Variants in MIER1 observed in about 807,000 individuals in gnomAD.
The protein encoded by MIER1 is MIER1 transcriptional regulator.
MIER1 carries 40 observed loss-of-function variants against 75.7 expected under a neutral mutation model. The observed-to-expected ratio is 0.53, with a 90% CI of 0.41 to 0.69. MIER1 has a LOEUF of 0.69. Among genes scored for constraint, MIER1 ranks in the 30% least tolerant of loss-of-function variants. The pLI is 0.00. For missense variants in MIER1, 574 were observed against 680.2 expected (o/e 0.84, Z 1.74); for synonymous variants, 213 against 223.4 (o/e 0.95, Z 0.42).
chr1:66,972,725 T>C (rs966869444), intron 10 of MIER1, among the ~76,000 whole-genome samples, 172 bp from the exon 11 acceptor site: 26 of 152,064 alleles, frequency 1.7e-4, no homozygotes, highest in Non-Finnish European at 3.2e-4. Context: ...ATTCAAAATC[T>C]TATTAAATAA....
At chr1:66,975,860 C>CT (rs1456965265) in intron 11 of MIER1, among the ~76,000 whole-genome samples, 1 of 152,148 alleles carries the variant, frequency 6.6e-6, no homozygotes, top group East Asian at 1.9e-4. Flanking sequence ...GCTGTTGGGA[C>CT]TAGTAAGAGA....
chr1:66,960,666 G>A (rs1171483934), intron 7 of MIER1, among the ~76,000 whole-genome samples: 1 of 152,120 alleles, frequency 6.6e-6, no homozygotes, highest in African/African-American at 2.4e-5. Context: ...AATTTTTTAT[G>A]TAGAACTGGT....
intron 4 of MIER1, among the ~76,000 whole-genome samples, chr1:66,949,152 G>C (rs1658342072): frequency 6.6e-6 from 1 of 152,094 alleles, no homozygotes; most frequent in South Asian, 2.1e-4. Context: ...CCATCTGTGG[G>C]ATAAAAGGTA....
intron 4 of MIER1, among the ~76,000 whole-genome samples, chr1:66,949,954 T>C (rs760034651): frequency 6.6e-6 from 1 of 151,734 alleles, no homozygotes; most frequent in Non-Finnish European, 1.5e-5. Context: ...GAAAGAAGTT[T>C]TGATGTGTAT....
rs1652840939 is a variant in MIER1 at position 66,930,334 on chromosome 1, T to G, written c.168+4092T>G. 8.7e-6 allele frequency: 14 copies of G among 1,600,756 alleles called. No homozygotes were observed. In the South Asian group the frequency reaches 1.6e-4, roughly 18 times the overall value. On this transcript the variant is annotated intron_variant, in intron 2 of 13. Transcript: ENST00000401041. ...CCCGTTGCTGAGTCTCACATCCGGG[T>G]TCTGGCCGTGACCCAGCTGCGGCCG... is the stretch of plus-strand genomic sequence containing the variant.
At chr1:66,973,711 CATTAGGACAACAG>C (rs1664149588) in intron 11 of MIER1, among the ~76,000 whole-genome samples, 1 of 151,986 alleles carries the variant, frequency 6.6e-6, no homozygotes, top group South Asian at 2.1e-4. Flanking sequence ...ATGAGCAACA[CATTAGGACAACAG>C]ATTAGGACAG....
intron 13 of MIER1, 133 bp downstream of exon 13, chr1:66,982,051 CATA>C: frequency 3.6e-6 from 3 of 830,860 alleles, no homozygotes; most frequent in Non-Finnish European, 5.8e-6. Context: ...ATGAGACAAA[CATA>C]ACATCAGCAT....
At chr1:66,936,445 C>A (rs542674096) in intron 2 of MIER1, among the ~76,000 whole-genome samples, 10 of 151,984 alleles carry the variant, frequency 6.6e-5, no homozygotes, top group African/African-American at 2.2e-4. Flanking sequence ...GTTGGCCAGG[C>A]TGGTCTCGAA....
chr1:66,987,320 AG>A lies in MIER1; in HGVS notation c.*2421del, dbSNP rs1394372795. 5.9e-5 allele frequency: 9 copies of A among 152,750 alleles called. No homozygotes were observed. Among genetic ancestry groups the A allele is most frequent in the Admixed American group, 1.3e-4 (2 of 15,282 alleles). The allele number at this position is 152,750 out of a possible 1,614,324, so 9.5% of individuals were successfully genotyped here. On this transcript the variant is annotated 3_prime_UTR_variant, in exon 14 of 14. Transcript: ENST00000401041. ...ATTTGCTTAAGATTTAGTACATTTC[AG>A]AACTTTTGAACTTTTGACAAATTGC...
intron 4 of MIER1, chr1:66,946,528 CTG>C: frequency 8.4e-7 from 1 of 1,190,484 alleles, no homozygotes; most frequent in Non-Finnish European, 1.0e-6. Context: ...AAAACATAGA[CTG>C]TTAAATGATT....
intron 4 of MIER1, among the ~76,000 whole-genome samples, chr1:66,954,674 A>G (rs568643908): frequency 6.7e-6 from 1 of 150,050 alleles, no homozygotes; most frequent in South Asian, 2.1e-4. Context: ...GTGTTGGAGA[A>G]TTTTTCTTTG....
At chr1:66,955,000 C>T (rs897683830) in intron 4 of MIER1, among the ~76,000 whole-genome samples, 2 of 152,116 alleles carry the variant, frequency 1.3e-5, no homozygotes, top group Non-Finnish European at 1.5e-5. Context: ...TGAGCCACTG[C>T]GCTTGGCCTG....
rs1197555796 is a variant in MIER1 at position 66,986,443 on chromosome 1, C to T, written c.*1543C>T. 13 of 1,612,256 alleles carry T rather than the reference C, an allele frequency of 8.1e-6. No individual in the cohort carries two copies. The Admixed American group carries it at 2.0e-4, about 25-fold the overall frequency. ...TTCTTCCAGTTCATTTTTCAGCCAT[C>T]AGTTCAAGAGCCAATGCCTTTTTAA... On this transcript the variant is annotated 3_prime_UTR_variant, in exon 14 of 14. Transcript: ENST00000401041.
chr1:66,943,529 TTTTCC>T (rs1656745044), intron 3 of MIER1, among the ~76,000 whole-genome samples: 1 of 152,148 alleles, frequency 6.6e-6, no homozygotes, highest in Non-Finnish European at 1.5e-5. Context: ...CCTTACTATC[TTTTCC>T]TTTCCTTTCG....
chr1:66,984,148 C>T (rs1271237040), intron 13 of MIER1, among the ~76,000 whole-genome samples: 2 of 152,230 alleles, frequency 1.3e-5, no homozygotes, highest in African/African-American at 2.4e-5. Context: ...CTTGCTTTTA[C>T]GTGGTTTTAG....
At chr1:66,941,506 A>C (rs1004767702) in intron 3 of MIER1, among the ~76,000 whole-genome samples, 4 of 152,144 alleles carry the variant, frequency 2.6e-5, no homozygotes, top group Non-Finnish European at 5.9e-5. Context: ...TGATATTGCA[A>C]ATAAAACTGA....
At chr1:66,950,655 T>G (rs1174086876) in intron 4 of MIER1, among the ~76,000 whole-genome samples, 1 of 152,136 alleles carries the variant, frequency 6.6e-6, no homozygotes, top group East Asian at 1.9e-4. Context: ...TAGAGAATAA[T>G]TAAAATGTGT....
intron 6 of MIER1, among the ~76,000 whole-genome samples, 189 bp from the exon 7 acceptor site, chr1:66,959,490 A>G (rs1030363787): frequency 1.3e-5 from 2 of 152,106 alleles, no homozygotes; most frequent in Admixed American, 6.5e-5. Context: ...TTATGTAGAA[A>G]GTTTATGGTT....
intron 8 of MIER1, among the ~76,000 whole-genome samples, chr1:66,968,763 C>G (rs1468259878): frequency 1.3e-5 from 2 of 152,170 alleles, no homozygotes; most frequent in Non-Finnish European, 2.9e-5. Context: ...TAACTTTTTC[C>G]TAAATTCATG....
Sources: allele counts gnomAD v4.1 joint callset (sites outside exome capture counted in the v4.1 genomes callset), GRCh38; gene constraint gnomAD v4.1.1; transcripts MANE v1.5; gene names NCBI Gene and HGNC (gene_info 2026-07-23, HGNC 2026-07-21).